Variants in AGBL1 observed in about 807,000 individuals in gnomAD.
AGBL1 encodes AGBL carboxypeptidase 1, also known as cytosolic carboxypeptidase 4.
In AGBL1, 130 loss-of-function variants were observed where a neutral mutation model predicts 118.9. The ratio of observed to expected loss-of-function variants is 1.09; its 90% confidence interval spans 0.95 to 1.26. The LOEUF (loss-of-function observed/expected upper bound fraction) is 1.26, where lower values mean the gene tolerates loss of function less well. Ranked by LOEUF, AGBL1 falls within the 50% of genes most tolerant of loss-of-function variation. The probability of loss-of-function intolerance (pLI) is 0.00; values close to 1 mark genes in which losing one functional copy is unlikely to be tolerated. For missense variants in AGBL1, 1,584 were observed against 1,298.1 expected (o/e 1.22, Z -3.38); for synonymous variants, 555 against 478.9 (o/e 1.16, Z -2.08).
At chr15:86,650,386 G>A (rs1432248800) in intron 21 of AGBL1, among the ~76,000 whole-genome samples, 1 of 152,118 alleles carries the variant, frequency 6.6e-6, no homozygotes, top group African/African-American at 2.4e-5. Context: ...TAAGGTATAA[G>A]GAATCTATGT....
chr15:86,555,103 T>C (rs989636926), intron 21 of AGBL1, among the ~76,000 whole-genome samples: 1 of 152,208 alleles, frequency 6.6e-6, no homozygotes, highest in Non-Finnish European at 1.5e-5. Flanking sequence ...AGTGCTCTTG[T>C]ATAAATCACA....
At chr15:86,893,901 AT>A (rs1197849348) in intron 22 of AGBL1, among the ~76,000 whole-genome samples, 1 of 152,170 alleles carries the variant, frequency 6.6e-6, no homozygotes, top group Non-Finnish European at 1.5e-5. Flanking sequence ...AAACAATAAG[AT>A]TCCCATTTTA....
At chr15:86,842,756 G>T (rs1214945813) in intron 22 of AGBL1, among the ~76,000 whole-genome samples, 1 of 152,082 alleles carries the variant, frequency 6.6e-6, no homozygotes, top group African/African-American at 2.4e-5. Flanking sequence ...ATGCTCTCTG[G>T]GAGAACACAT....
chr15:86,104,249 G>A (rs1449080937), intron 1 of AGBL1, among the ~76,000 whole-genome samples: 13 of 152,206 alleles, frequency 8.5e-5, no homozygotes, highest in Admixed American at 8.5e-4. Flanking sequence ...ACAGGTGCTG[G>A]TGTGGTAGGC....
chr15:86,635,707 C>A (rs2085071389), intron 21 of AGBL1, among the ~76,000 whole-genome samples: 1 of 152,024 alleles, frequency 6.6e-6, no homozygotes, highest in African/African-American at 2.4e-5. Flanking sequence ...TTACATATTA[C>A]AAATATAAAA....
intron 18 of AGBL1, among the ~76,000 whole-genome samples, chr15:86,459,621 A>G (rs1338425637): frequency 6.6e-6 from 1 of 152,010 alleles, no homozygotes; most frequent in Non-Finnish European, 1.5e-5. Flanking sequence ...TTTATTGATC[A>G]CTCATCATGC....
chr15:86,475,065 C>T (rs1191863410), intron 18 of AGBL1, among the ~76,000 whole-genome samples: 1 of 152,180 alleles, frequency 6.6e-6, no homozygotes, highest in South Asian at 2.1e-4. Context: ...ACACCAAAAC[C>T]CCATCTGTAC....
intron 10 of AGBL1, 120 bp from the exon 11 acceptor site, chr15:86,264,138 G>T (rs576724386): frequency 2.4e-6 from 2 of 838,914 alleles, no homozygotes; most frequent in Admixed American, 6.0e-5. Context: ...CTTGGAAAAA[G>T]CTTCCACATT....
At chr15:86,789,318 G>T (rs754496790) in intron 22 of AGBL1, among the ~76,000 whole-genome samples, 1 of 152,158 alleles carries the variant, frequency 6.6e-6, no homozygotes, top group Non-Finnish European at 1.5e-5. Context: ...ATGCAGACTC[G>T]GATTATCAAT....
At chr15:86,301,587 AC>A (rs1386740029) in intron 17 of AGBL1, among the ~76,000 whole-genome samples, 2 of 151,590 alleles carry the variant, frequency 1.3e-5, no homozygotes, top group East Asian at 1.9e-4. Flanking sequence ...GATATTAGGA[AC>A]ACATAGATAA....
intron 22 of AGBL1, among the ~76,000 whole-genome samples, chr15:86,850,257 T>C (rs553905958): frequency 4.8e-4 from 72 of 151,116 alleles, no homozygotes; most frequent in Admixed American, 1.3e-3. Context: ...CCTTAGGCTA[T>C]GGACATTACT....
At chr15:86,923,900 C>A (rs377498215) in intron 23 of AGBL1, among the ~76,000 whole-genome samples, 6 of 152,128 alleles carry the variant, frequency 3.9e-5, no homozygotes, top group Admixed American at 6.5e-5. Context: ...GTGATTTGGA[C>A]GAAAATCCTC....
chr15:86,116,980 G>A lies in AGBL1; in HGVS notation c.52-25024G>A, dbSNP rs536430488. On this transcript the variant is annotated intron_variant, in intron 1 of 22. Coordinates refer to ENST00000614907, the MANE Select transcript of AGBL1 (RefSeq NM_001386094.1). ...TTTTTTTTTTTTAACATGTTTTCGTGTTACTTAGGCCAGTTGCTTAGTGAT... is the reference window on the plus strand; with the variant it reads ...TTTTTTTTTTTTAACATGTTTTCGTATTACTTAGGCCAGTTGCTTAGTGAT... Among the ~76,000 whole-genome samples, 6 of 143,860 alleles carry A rather than the reference G, an allele frequency of 4.2e-5. No individual in the cohort carries two copies. The South Asian group carries it at 1.3e-3, about 31-fold the overall frequency. The allele number at this position is 143,860 out of a possible 152,430, so 94.4% of individuals were successfully genotyped here.
In AGBL1 at chr15:86,670,057, G is replaced by A. The variant is rs546252770; in HGVS notation, c.2995-4216G>A. Among the ~76,000 whole-genome samples the A allele has an allele frequency of 7.9e-5, 12 of 151,660 alleles. No homozygotes were observed. In the South Asian group the frequency reaches 1.3e-3, roughly 16 times the overall value. ...ATTACAATTTCCTCAGTCATTCCTC[G>A]CCTATTAGACACTTATGGTTTTATT... On this transcript the variant is annotated intron_variant, in intron 21 of 22. Transcript: ENST00000614907.
chr15:87,023,346 A>G (rs1386297967), intron 24 of AGBL1, among the ~76,000 whole-genome samples: 1 of 152,078 alleles, frequency 6.6e-6, no homozygotes, highest in Non-Finnish European at 1.5e-5. Context: ...ATGTAAGAAA[A>G]AACAAACTTT....
intron 17 of AGBL1, among the ~76,000 whole-genome samples, chr15:86,396,650 C>G (rs536103894): frequency 6.6e-6 from 1 of 152,128 alleles, no homozygotes; most frequent in Admixed American, 6.6e-5. Flanking sequence ...GACCATCCCA[C>G]CCACAGACTT....
chr15:86,262,657 A>G, intron 9 of AGBL1, 121 bp from the exon 10 acceptor site: 1 of 727,298 alleles, frequency 1.4e-6, no homozygotes, highest in Non-Finnish European at 2.5e-6. Flanking sequence ...GGCCAGTGCT[A>G]TAATTTGGAG....
intron 22 of AGBL1, among the ~76,000 whole-genome samples, chr15:86,867,127 T>A (rs1329079982): frequency 2.6e-5 from 4 of 152,102 alleles, no homozygotes; most frequent in African/African-American, 9.7e-5. Flanking sequence ...CACTTGCATC[T>A]CATGCTGTCA....
chr15:86,992,080 T>C (rs1266629087), intron 24 of AGBL1, among the ~76,000 whole-genome samples: 1 of 152,128 alleles, frequency 6.6e-6, no homozygotes, highest in Non-Finnish European at 1.5e-5. Flanking sequence ...GCTTGGCTTC[T>C]GGTGAGAGGC....
Sources: allele counts gnomAD v4.1 joint callset (sites outside exome capture counted in the v4.1 genomes callset), GRCh38; gene constraint gnomAD v4.1.1; transcripts MANE v1.5; gene names NCBI Gene and HGNC (gene_info 2026-07-23, HGNC 2026-07-21).